The following SORCS1 variants were observed in gnomAD, a reference collection of about 807,000 sequenced individuals.
SORCS1 encodes sortilin related VPS10 domain containing receptor 1, also known as VPS10 domain-containing receptor SorCS1.
A neutral mutation model predicts 146.1 loss-of-function variants in SORCS1; 60 were observed. That is an observed-to-expected ratio of 0.41 (90% CI 0.33 to 0.51). The LOEUF is 0.51. Among genes scored for constraint, SORCS1 ranks in the 20% least tolerant of loss-of-function variants. The probability of loss-of-function intolerance (pLI) is 0.21; values close to 1 mark genes in which losing one functional copy is unlikely to be tolerated. For missense variants in SORCS1, 1,352 were observed against 1,487.6 expected (o/e 0.91, Z 1.50); for synonymous variants, 637 against 584.0 (o/e 1.09, Z -1.31).
Position 106,872,250 on chromosome 10 carries a change from T to A in SORCS1, c.627-42577A>T, listed in dbSNP as rs1039819715. On this transcript the variant is annotated intron_variant, in intron 2 of 25. Transcript: ENST00000263054. ...TGAGAATAAATCTGAATGACATAATTGGGCCAGGTGCATGTGTTGAGGAAG... is the reference window on the plus strand; with the variant it reads ...TGAGAATAAATCTGAATGACATAATAGGGCCAGGTGCATGTGTTGAGGAAG... Among the ~76,000 whole-genome samples the A allele has an allele frequency of 3.9e-5, 6 of 152,284 alleles. No individual in the cohort carries two copies. In the South Asian group the frequency reaches 8.3e-4, roughly 21 times the overall value.
At chr10:106,683,834 T>G (rs1852619903) in intron 10 of SORCS1, among the ~76,000 whole-genome samples, 1 of 152,216 alleles carries the variant, frequency 6.6e-6, no homozygotes, top group Admixed American at 6.5e-5. Context: ...GAACTCAAAT[T>G]TATTACATCT....
chr10:106,830,413 C>A (rs1001258605), intron 2 of SORCS1, among the ~76,000 whole-genome samples: 1 of 152,106 alleles, frequency 6.6e-6, no homozygotes, highest in African/African-American at 2.4e-5. Context: ...CAACTATGTA[C>A]AATAGGGATT....
intron 1 of SORCS1, among the ~76,000 whole-genome samples, chr10:107,145,995 A>G (rs1302456626): frequency 1.3e-5 from 2 of 152,212 alleles, no homozygotes; most frequent in East Asian, 3.8e-4. Context: ...GTTTAATCAT[A>G]CCACTGGGGC....
intron 3 of SORCS1, among the ~76,000 whole-genome samples, chr10:106,820,261 T>C (rs569232321): frequency 6.6e-6 from 1 of 152,338 alleles, no homozygotes; most frequent in African/African-American, 2.4e-5. Context: ...AGCTGTTATA[T>C]TGTATATATC....
chr10:107,007,587 G>A (rs949030698), intron 1 of SORCS1, among the ~76,000 whole-genome samples: 6 of 152,202 alleles, frequency 3.9e-5, no homozygotes, highest in Non-Finnish European at 1.5e-5. Flanking sequence ...CCTGCCCAAA[G>A]TGAAGATTCA....
intron 24 of SORCS1, among the ~76,000 whole-genome samples, chr10:106,589,176 A>G (rs1845440693): frequency 6.6e-6 from 1 of 152,212 alleles, no homozygotes; most frequent in Non-Finnish European, 1.5e-5. Flanking sequence ...TGCCCAGTAC[A>G]TAACTTACGA....
intron 2 of SORCS1, among the ~76,000 whole-genome samples, chr10:106,855,425 GT>G (rs1198440186): frequency 2.0e-5 from 3 of 152,140 alleles, no homozygotes; most frequent in African/African-American, 7.2e-5. Flanking sequence ...TAGATCTGAG[GT>G]TTGGTACATT....
At chr10:107,078,431 C>T (rs779203522) in intron 1 of SORCS1, among the ~76,000 whole-genome samples, 2 of 152,170 alleles carry the variant, frequency 1.3e-5, no homozygotes, top group Non-Finnish European at 2.9e-5. Flanking sequence ...TGTTTGTGGA[C>T]ACTCAATTAT....
intron 3 of SORCS1, among the ~76,000 whole-genome samples, chr10:106,791,614 G>A (rs193094225): frequency 1.7e-3 from 252 of 152,202 alleles, no homozygotes; most frequent in African/African-American, 1.5e-3. Context: ...CAGGAGAATC[G>A]CTTGAACCCA....
At chr10:106,878,649 T>TATATATATATATATATATATATATATATA (rs1491300730) in intron 2 of SORCS1, among the ~76,000 whole-genome samples, 3 of 137,868 alleles carry the variant, frequency 2.2e-5, no homozygotes, top group Non-Finnish European at 4.7e-5. Flanking sequence ...TATATATATA[T>TATATATATATATATATATATATATATATA]TTTATAGCAG....
intron 1 of SORCS1, among the ~76,000 whole-genome samples, chr10:107,014,110 G>A (rs1359113315): frequency 6.6e-6 from 1 of 152,006 alleles, no homozygotes; most frequent in African/African-American, 2.4e-5. Flanking sequence ...AAATTAGCTG[G>A]GTGTGGTGGC....
At position 106,787,635 on chromosome 10, in the gene SORCS1, C is replaced by A. The variant is rs114252387; in HGVS notation, c.727-10943G>T. Among the ~76,000 whole-genome samples the A allele has an allele frequency of 2.0e-3, 306 of 152,260 alleles. 1 individual carries two copies. The highest frequency in any genetic ancestry group is 6.6e-3 in the African/African-American group (274 of 41,546). On this transcript the variant is annotated intron_variant, in intron 3 of 25. Coordinates refer to ENST00000263054, the MANE Select transcript of SORCS1 (RefSeq NM_052918.5). ...TTGACATCAGTGGTATTTCTCAACA[C>A]CCCAAAAGTATTTTGTATGCAAAGG...
chr10:106,664,891 G>A (rs1420967950), intron 17 of SORCS1, among the ~76,000 whole-genome samples: 1 of 151,862 alleles, frequency 6.6e-6, no homozygotes, highest in Admixed American at 6.5e-5. Context: ...AAACATGCTA[G>A]TACCAGCAAG....
chr10:106,763,990 G>A (rs958407639), intron 4 of SORCS1, among the ~76,000 whole-genome samples: 9 of 152,172 alleles, frequency 5.9e-5, no homozygotes, highest in Admixed American at 5.2e-4. Flanking sequence ...TTTGTACCAC[G>A]TGAATTTCCT....
intron 1 of SORCS1, among the ~76,000 whole-genome samples, chr10:107,013,596 A>T (rs1053954243): frequency 6.6e-6 from 1 of 152,146 alleles, no homozygotes; most frequent in Non-Finnish European, 1.5e-5. Context: ...ACACATTGTA[A>T]TTAAGCCTAG....
intron 19 of SORCS1, among the ~76,000 whole-genome samples, chr10:106,621,995 C>T (rs527961901): frequency 2.4e-4 from 37 of 152,066 alleles, no homozygotes; most frequent in African/African-American, 8.2e-4. Flanking sequence ...TTAAGATTCC[C>T]GTGATTGGGA....
At chr10:106,697,752 C>T (rs950432158) in intron 9 of SORCS1, among the ~76,000 whole-genome samples, 2 of 152,072 alleles carry the variant, frequency 1.3e-5, no homozygotes, top group African/African-American at 2.4e-5. Context: ...TTTTAAGCAA[C>T]GAAACTGTGG....
intron 23 of SORCS1, among the ~76,000 whole-genome samples, chr10:106,599,020 TTATTC>T (rs1404783387): frequency 5.9e-5 from 9 of 152,244 alleles, no homozygotes; most frequent in African/African-American, 2.2e-4. Flanking sequence ...AAAAACAACT[TTATTC>T]TGTGTATTAG....
chr10:106,879,168 T>C (rs946110972), intron 2 of SORCS1, among the ~76,000 whole-genome samples: 2 of 146,506 alleles, frequency 1.4e-5, no homozygotes, highest in African/African-American at 2.6e-5. Flanking sequence ...AAAAAATTCA[T>C]TGATAACTTA....
Sources: gnomAD v4.1 joint callset for allele counts (sites outside exome capture counted in the v4.1 genomes callset) on GRCh38, gnomAD v4.1.1 for gene constraint, MANE v1.5 for transcripts, NCBI Gene and HGNC (gene_info 2026-07-23, HGNC 2026-07-21) for gene names.